The following VWC2L variants were observed in gnomAD, a reference collection of about 807,000 sequenced individuals.
VWC2L encodes von Willebrand factor C domain-containing protein 2-like.
Under a neutral mutation model 21.6 loss-of-function variants are expected in VWC2L, and 10 were observed. The ratio of observed to expected loss-of-function variants is 0.46; its 90% CI spans 0.29 to 0.78. VWC2L has a LOEUF of 0.78. VWC2L is among the 30% of genes least tolerant of loss of function. The pLI is 0.10. For missense variants in VWC2L, 209 were observed against 277.1 expected, an observed-to-expected ratio of 0.75 and a Z score of 1.74; for synonymous variants, 96 against 94.3, an observed-to-expected ratio of 1.02 and a Z score of -0.10.
intron 3 of VWC2L, among the ~76,000 whole-genome samples, chr2:214,449,586 A>G (rs891145992): frequency 6.6e-6 from 1 of 152,202 alleles, no homozygotes; most frequent in African/African-American, 2.4e-5. Context: ...TGATTGGGAA[A>G]TCCTCCAAGA....
chr2:214,493,128 G>A (rs992126433), intron 3 of VWC2L, among the ~76,000 whole-genome samples: 1 of 152,186 alleles, frequency 6.6e-6, no homozygotes, highest in Non-Finnish European at 1.5e-5. Context: ...ACTAGCACAA[G>A]TTAGATTAGA....
At chr2:214,446,929 G>C (rs1403185592) in intron 3 of VWC2L, among the ~76,000 whole-genome samples, 1 of 152,114 alleles carries the variant, frequency 6.6e-6, no homozygotes, top group Non-Finnish European at 1.5e-5. Context: ...ACAGTAGCTA[G>C]GCATACTGCT....
chr2:214,527,675 G>A (rs1303684704), intron 3 of VWC2L, among the ~76,000 whole-genome samples: 1 of 152,168 alleles, frequency 6.6e-6, no homozygotes, highest in East Asian at 1.9e-4. Flanking sequence ...TGGTAAAGGA[G>A]ATGTCTTTCC....
At chr2:214,521,204 G>A (rs566060621) in intron 3 of VWC2L, among the ~76,000 whole-genome samples, 41 of 151,248 alleles carry the variant, frequency 2.7e-4, no homozygotes, top group African/African-American at 9.0e-4. Context: ...CAGCCTGGAC[G>A]ACAGAGGGAG....
chr2:214,501,681 C>T (rs956896083), intron 3 of VWC2L, among the ~76,000 whole-genome samples: 5 of 141,378 alleles, frequency 3.5e-5, no homozygotes, highest in Non-Finnish European at 6.1e-5. Context: ...GAGATCATGC[C>T]TCTGCGCTCC....
At chr2:214,478,588 C>A (rs1688559531) in intron 3 of VWC2L, among the ~76,000 whole-genome samples, 2 of 152,164 alleles carry the variant, frequency 1.3e-5, no homozygotes. Flanking sequence ...AAAGTCACTG[C>A]TTTTCCTAGA....
chr2:214,563,805 C>T (rs1350032325), intron 3 of VWC2L, among the ~76,000 whole-genome samples: 3 of 152,114 alleles, frequency 2.0e-5, no homozygotes, highest in Admixed American at 6.6e-5. Flanking sequence ...TCTCCCACCA[C>T]TCCTATTTAA....
intron 3 of VWC2L, among the ~76,000 whole-genome samples, chr2:214,456,493 CA>C (rs531109136): frequency 1.6e-3 from 249 of 152,212 alleles, no homozygotes; most frequent in Non-Finnish European, 2.6e-3. Flanking sequence ...GAAAAGTTCA[CA>C]AATACTTTCT....
At chr2:214,479,072 C>T (rs551782430) in intron 3 of VWC2L, among the ~76,000 whole-genome samples, 2 of 152,328 alleles carry the variant, frequency 1.3e-5, no homozygotes, top group Admixed American at 1.3e-4. Context: ...CACTCTCACA[C>T]ACATTCTGAC....
At chr2:214,521,706 GCAT>G (rs1299599636) in intron 3 of VWC2L, among the ~76,000 whole-genome samples, 2 of 152,188 alleles carry the variant, frequency 1.3e-5, no homozygotes, top group Non-Finnish European at 2.9e-5. Context: ...GGGGTCACCA[GCAT>G]CATTAACTGG....
At chr2:214,451,555 G>T (rs2126184866) in intron 3 of VWC2L, among the ~76,000 whole-genome samples, 1 of 152,182 alleles carries the variant, frequency 6.6e-6, no homozygotes, top group African/African-American at 2.4e-5. Flanking sequence ...ATAGTATTCA[G>T]GTTAAGCTGC....
At chr2:214,575,449 TTTTA>T (rs1179925511) in intron 3 of VWC2L, among the ~76,000 whole-genome samples, 2 of 152,170 alleles carry the variant, frequency 1.3e-5, no homozygotes, top group African/African-American at 2.4e-5. Flanking sequence ...GATTGTCTCT[TTTTA>T]TTTAAGTTCA....
chr2:214,563,546 C>CAAAAAAAAAAAAA lies in VWC2L; in HGVS notation c.521-12103_521-12091dup, dbSNP rs55864016. On this transcript the variant is annotated intron_variant, in intron 3 of 3. Coordinates refer to ENST00000312504, the MANE Select transcript of VWC2L (RefSeq NM_001080500.4). ...TGGGTGACACAGCAAGACTCCGTCT[C>CAAAAAAAAAAAAA]AAAAAAAAAAAAAAAAAAAAAAAAA... Among the ~76,000 whole-genome samples, 220 of 95,814 alleles carry CAAAAAAAAAAAAA rather than the reference C, an allele frequency of 2.3e-3. 7 individuals are homozygous for CAAAAAAAAAAAAA. Among genetic ancestry groups the CAAAAAAAAAAAAA allele is most frequent in the African/African-American group, 2.9e-3 (70 of 23,788 alleles). 62.9% of individuals were successfully genotyped at this position (95,814 alleles called of 152,430 possible). A position where few individuals can be genotyped will look rare whatever the true frequency, so the allele number is the denominator to read the frequency against.
chr2:214,444,440 A>G (rs994740066), intron 3 of VWC2L, among the ~76,000 whole-genome samples: 2 of 152,158 alleles, frequency 1.3e-5, no homozygotes, highest in East Asian at 1.9e-4. Flanking sequence ...ATTAAAAATA[A>G]TAAGGAAACA....
At chr2:214,423,717 G>A (rs532631313) in intron 2 of VWC2L, among the ~76,000 whole-genome samples, 1 of 151,938 alleles carries the variant, frequency 6.6e-6, no homozygotes, top group Admixed American at 6.6e-5. Flanking sequence ...TAAAAATGGG[G>A]CCCATTGTCT....
chr2:214,486,025 G>GGTCTT (rs1688667715), intron 3 of VWC2L, among the ~76,000 whole-genome samples: 1 of 151,394 alleles, frequency 6.6e-6, no homozygotes, highest in South Asian at 2.1e-4. Context: ...GACATTAAGT[G>GGTCTT]GTCTTTTTTC....
intron 3 of VWC2L, among the ~76,000 whole-genome samples, chr2:214,488,404 C>A (rs1451843661): frequency 6.6e-6 from 1 of 152,100 alleles, no homozygotes; most frequent in Admixed American, 6.5e-5. Context: ...TCAAAACCAG[C>A]CGTGGCAACA....
intron 3 of VWC2L, among the ~76,000 whole-genome samples, chr2:214,450,642 G>A (rs1314467125): frequency 6.6e-6 from 1 of 152,156 alleles, no homozygotes; most frequent in Non-Finnish European, 1.5e-5. Context: ...ATGACAGGGA[G>A]ACAGCAGGAG....
chr2:214,463,987 T>A (rs1231685874), intron 3 of VWC2L, among the ~76,000 whole-genome samples: 1 of 152,178 alleles, frequency 6.6e-6, no homozygotes, highest in African/African-American at 2.4e-5. Context: ...TCAAAATTTC[T>A]GCTTGGTTTT....
Sources: gnomAD v4.1 joint callset for allele counts (sites outside exome capture counted in the v4.1 genomes callset) on GRCh38, gnomAD v4.1.1 for gene constraint, MANE v1.5 for transcripts, NCBI Gene and HGNC (gene_info 2026-07-23, HGNC 2026-07-21) for gene names.